Variants in SEC22A observed in about 807,000 individuals in gnomAD.
SEC22A encodes vesicle-trafficking protein SEC22a.
In SEC22A, 22 loss-of-function variants were observed where a neutral mutation model predicts 35.3. The observed-to-expected ratio is 0.62, with a 90% CI of 0.45 to 0.89. SEC22A has a LOEUF of 0.89. Ranked by LOEUF, SEC22A falls within the 40% of genes least tolerant of loss-of-function variation. The probability of loss-of-function intolerance (pLI) is 0.00; values close to 1 mark genes in which losing one functional copy is unlikely to be tolerated. For synonymous variants in SEC22A, 119 were observed against 129.5 expected (o/e 0.92, Z 0.55); for missense variants, 354 against 362.5 (o/e 0.98, Z 0.19).
chr3:123,239,358 C>T (rs1413268843), intron 4 of SEC22A, among the ~76,000 whole-genome samples: 1 of 152,034 alleles, frequency 6.6e-6, no homozygotes, highest in Non-Finnish European at 1.5e-5. Context: ...AGGTTAGTTA[C>T]GTATATATAC....
intron 6 of SEC22A, among the ~76,000 whole-genome samples, chr3:123,263,209 T>C (rs1456505614): frequency 6.6e-6 from 1 of 152,224 alleles, no homozygotes; most frequent in Non-Finnish European, 1.5e-5. Context: ...ATACCATAGA[T>C]TGGGTGGCTT....
At chr3:123,267,091 C>G (rs181949181) in intron 6 of SEC22A, among the ~76,000 whole-genome samples, 1 of 151,934 alleles carries the variant, frequency 6.6e-6, no homozygotes, top group Non-Finnish European at 1.5e-5. Flanking sequence ...CTTTTGATTA[C>G]TGTTTATGTG....
chr3:123,221,470 C>CAAAAAAA (rs56800842), intron 2 of SEC22A, among the ~76,000 whole-genome samples: 4 of 60,588 alleles, frequency 6.6e-5, no homozygotes, highest in African/African-American at 1.4e-4. Context: ...GAGTCCATCT[C>CAAAAAAA]AAAAAAAAAA....
At chr3:123,219,711 T>C (rs562258216) in intron 2 of SEC22A, among the ~76,000 whole-genome samples, 1 of 152,334 alleles carries the variant, frequency 6.6e-6, no homozygotes, top group East Asian at 1.9e-4. Context: ...TCAAGGCAGA[T>C]AGACATCCGC....
At chr3:123,258,740 A>G (rs1299581108) in intron 5 of SEC22A, among the ~76,000 whole-genome samples, 3 of 151,720 alleles carry the variant, frequency 2.0e-5, no homozygotes, top group Non-Finnish European at 4.4e-5. Flanking sequence ...TCTCTCTAAT[A>G]TAAGAAAAGG....
chr3:123,267,401 G>A (rs1442758664), intron 6 of SEC22A, among the ~76,000 whole-genome samples: 3 of 151,168 alleles, frequency 2.0e-5, no homozygotes, highest in African/African-American at 7.3e-5. Context: ...AATGATTGCT[G>A]TAGGCATCAC....
chr3:123,244,906 C>T (rs932273096), intron 4 of SEC22A, among the ~76,000 whole-genome samples: 3 of 152,038 alleles, frequency 2.0e-5, no homozygotes, highest in Non-Finnish European at 4.4e-5. Flanking sequence ...TTCTATTAAG[C>T]GTAAGATGAT....
intron 2 of SEC22A, among the ~76,000 whole-genome samples, chr3:123,213,582 C>T (rs1466762109): frequency 2.6e-5 from 4 of 152,060 alleles, no homozygotes; most frequent in Non-Finnish European, 5.9e-5. Context: ...CTGCCTTTTT[C>T]ATCACTTATT....
rs1446172632 is a variant in SEC22A at position 123,255,893 on chromosome 3, T to C, written c.658-3631T>C. On this transcript the variant is annotated intron_variant, in intron 5 of 6. Transcript: ENST00000492595. ...CAGCAGAATTAACATCCACCCCATA[T>C]ACCTACCTACCATTTTACTTTCTTC... Among the ~76,000 whole-genome samples the C allele has an allele frequency of 3.3e-5, 5 of 151,634 alleles. No homozygotes were observed. In the East Asian group the frequency reaches 9.6e-4, roughly 29 times the overall value.
At chr3:123,261,143 TG>T (rs980870318) in intron 6 of SEC22A, among the ~76,000 whole-genome samples, 1 of 152,104 alleles carries the variant, frequency 6.6e-6, no homozygotes, top group African/African-American at 2.4e-5. Flanking sequence ...CCAAAAAAAT[TG>T]CTTGATTTTC....
intron 6 of SEC22A, 109 bp from the exon 7 acceptor site, chr3:123,271,413 C>T: frequency 1.2e-6 from 1 of 807,122 alleles, no homozygotes; most frequent in Non-Finnish European, 2.0e-6. Context: ...TAAAAAATAA[C>T]CTTATCCATT....
intron 6 of SEC22A, among the ~76,000 whole-genome samples, chr3:123,260,690 G>C (rs945081812): frequency 1.3e-5 from 2 of 152,164 alleles, no homozygotes; most frequent in African/African-American, 4.8e-5. Context: ...AAAATGTTAA[G>C]AGTCAGAACT....
chr3:123,269,177 ATATGTG>A (rs1182071906), intron 6 of SEC22A, among the ~76,000 whole-genome samples: 1 of 112,068 alleles, frequency 8.9e-6, no homozygotes, highest in African/African-American at 3.8e-5. Flanking sequence ...TGAATTAAAT[ATATGTG>A]TGTGTGTGTG....
chr3:123,204,865 C>T (rs1936822784), intron 1 of SEC22A: 1 of 152,200 alleles, frequency 6.6e-6, no homozygotes, highest in Non-Finnish European at 1.5e-5. Flanking sequence ...CCCCGATAAG[C>T]TAAAAACTCC....
At position 123,271,834 on chromosome 3, in the gene SEC22A, T is replaced by G. The variant is rs2108116911; in HGVS notation, c.*112T>G. The stretch of plus-strand genomic sequence containing the variant: ...CACAGAGGAGAAGCTCTGCTTTCTT[T>G]CTCTCCAACTTTCCTTTTTTAAAAT... On this transcript the variant is annotated 3_prime_UTR_variant, in exon 7 of 7. Transcript: ENST00000492595. The G allele has an allele frequency of 1.1e-6, 1 of 873,410 alleles. No homozygotes were observed. The highest frequency in any genetic ancestry group is 1.7e-5 in the African/African-American group (1 of 58,938). 54.1% of individuals were successfully genotyped at this position (873,410 alleles called of 1,614,324 possible). A position where few individuals can be genotyped will look rare whatever the true frequency, so the allele number is the denominator to read the frequency against.
intron 2 of SEC22A, among the ~76,000 whole-genome samples, chr3:123,220,653 G>C (rs1937103785): frequency 6.6e-6 from 1 of 151,790 alleles, no homozygotes; most frequent in African/African-American, 2.4e-5. Flanking sequence ...CACTAAACTA[G>C]TTTTATGACA....
intron 2 of SEC22A, among the ~76,000 whole-genome samples, chr3:123,222,929 AT>A (rs1157996982): frequency 6.6e-6 from 1 of 152,196 alleles, no homozygotes; most frequent in Non-Finnish European, 1.5e-5. Flanking sequence ...TGATTTTTCC[AT>A]TGCTAGCACT....
chr3:123,234,820 C>T (rs1000347648), intron 4 of SEC22A, among the ~76,000 whole-genome samples: 48 of 151,982 alleles, frequency 3.2e-4, no homozygotes, highest in African/African-American at 1.0e-3. Flanking sequence ...CCCATGAGTT[C>T]GAGACCAGCC....
At chr3:123,253,040 A>G (rs1350999381) in intron 5 of SEC22A, among the ~76,000 whole-genome samples, 3 of 152,228 alleles carry the variant, frequency 2.0e-5, no homozygotes, top group Non-Finnish European at 2.9e-5. Context: ...TTAAGGCTCA[A>G]CCTTGAAACA....
Sources: allele counts gnomAD v4.1 joint callset (sites outside exome capture counted in the v4.1 genomes callset), GRCh38; gene constraint gnomAD v4.1.1; transcripts MANE v1.5; gene names NCBI Gene and HGNC (gene_info 2026-07-23, HGNC 2026-07-21).